DENND2C: variants seen among roughly 807,000 people sequenced by gnomAD.
The protein encoded by DENND2C is DENN domain containing 2C.
DENND2C carries 72 observed loss-of-function variants against 112.4 expected under a neutral mutation model. The ratio of observed to expected loss-of-function variants is 0.64; its 90% CI spans 0.53 to 0.78. The LOEUF (loss-of-function observed/expected upper bound fraction) is 0.78, where lower values mean the gene tolerates loss of function less well. DENND2C is among the 30% of genes least tolerant of loss of function. The pLI is 0.00. For missense variants in DENND2C, 992 were observed against 1,113.8 expected, an observed-to-expected ratio of 0.89 and a Z score of 1.56; for synonymous variants, 329 against 381.6, an observed-to-expected ratio of 0.86 and a Z score of 1.61.
chr1:114,660,538 T>C (rs1027997069), intron 1 of DENND2C, among the ~76,000 whole-genome samples: 3 of 152,160 alleles, frequency 2.0e-5, no homozygotes, highest in African/African-American at 7.2e-5. Context: ...TGCCTGTCTC[T>C]AATTCCCTCC....
intron 12 of DENND2C, among the ~76,000 whole-genome samples, chr1:114,601,858 A>G (rs1383091319): frequency 6.6e-6 from 1 of 152,178 alleles, no homozygotes; most frequent in African/African-American, 2.4e-5. Context: ...CTCTATTTCA[A>G]ATATATCCAG....
At chr1:114,628,250 T>C (rs1192359978) in intron 3 of DENND2C, among the ~76,000 whole-genome samples, 2 of 151,414 alleles carry the variant, frequency 1.3e-5, no homozygotes, top group African/African-American at 4.9e-5. Context: ...AGCCCAGATG[T>C]TGGAAGCTGC....
chr1:114,619,941 C>T (rs1416751380), intron 7 of DENND2C, among the ~76,000 whole-genome samples: 9 of 152,016 alleles, frequency 5.9e-5, no homozygotes, highest in South Asian at 2.1e-4. Flanking sequence ...TAAGAAATGA[C>T]GGAAATCATA....
Position 114,621,968 on chromosome 1 carries a change from G to C in DENND2C, c.1154C>G (p.Pro385Arg). 1.3e-6 allele frequency: 2 copies of C among 1,550,760 alleles called. No homozygotes were observed. The highest frequency in any genetic ancestry group is 1.7e-6 in the Non-Finnish European group (2 of 1,147,018). Residue 385 changes from proline (P) to arginine (R), a missense_variant, in exon 7 of 21, where the codon CCG becomes CGG. Coordinates refer to ENST00000393274, the MANE Select transcript of DENND2C (RefSeq NM_001256404.2). ...RSKLTKDTTL[P>R]VTLTEWKLFR... ...AAGCTTCCATTCCGTTAAAGTGACCGGCAAAGTTGTATCTTTTGTAAGCTT... is the reference window on the plus strand; with the variant it reads ...AAGCTTCCATTCCGTTAAAGTGACCCGCAAAGTTGTATCTTTTGTAAGCTT...
intron 18 of DENND2C, among the ~76,000 whole-genome samples, chr1:114,593,556 G>A (rs903990075): frequency 4.6e-5 from 7 of 152,106 alleles, no homozygotes; most frequent in Non-Finnish European, 7.3e-5. Flanking sequence ...AGGCTAAGGC[G>A]GAAGGATTGC....
intron 3 of DENND2C, among the ~76,000 whole-genome samples, chr1:114,627,400 A>C (rs1656373864): frequency 6.6e-6 from 1 of 152,156 alleles, no homozygotes; most frequent in Non-Finnish European, 1.5e-5. Context: ...AAAATATCTT[A>C]GCCCAGCTCT....
In DENND2C at chr1:114,625,584, G is replaced by A. The variant is rs779517741; in HGVS notation, c.401C>T (p.Pro134Leu). The A allele has an allele frequency of 6.2e-7, 1 of 1,614,062 alleles. No homozygotes were observed. Among genetic ancestry groups the A allele is most frequent in the Non-Finnish European group, 8.5e-7 (1 of 1,179,992 alleles). ...GTTTCCTGGAGGTAATGAAGTCTCTGGATCTAAGACATCTTCTTTACAGCT... is the reference window on the plus strand; with the variant it reads ...GTTTCCTGGAGGTAATGAAGTCTCTAGATCTAAGACATCTTCTTTACAGCT... Reference protein sequence around the residue: ...IESCKEDVLDPETSLPPGNFY... With the variant: ...IESCKEDVLDLETSLPPGNFY... The change falls in exon 4 of 21, where the codon CCA becomes CTA. Residue 134 changes from proline to leucine, a missense_variant. Pro to Leu is a moderately conservative substitution (Grantham distance 98). Coordinates refer to ENST00000393274, the MANE Select transcript of DENND2C (RefSeq NM_001256404.2).
intron 5 of DENND2C, 103 bp from the exon 6 acceptor site, chr1:114,623,202 A>G: frequency 9.2e-7 from 1 of 1,089,686 alleles, no homozygotes; most frequent in Non-Finnish European, 1.3e-6. Context: ...CAGCTTTCTT[A>G]TTCTACATTG....
chr1:114,653,976 T>C (rs1657238023), intron 2 of DENND2C, among the ~76,000 whole-genome samples: 1 of 152,138 alleles, frequency 6.6e-6, no homozygotes, highest in African/African-American at 2.4e-5. Context: ...ATTAAGTAAA[T>C]GAATGTTATA....
chr1:114,657,402 G>A (rs909294161), intron 1 of DENND2C, among the ~76,000 whole-genome samples: 58 of 152,236 alleles, frequency 3.8e-4, no homozygotes, highest in African/African-American at 1.4e-3. Context: ...TGGTAATCAA[G>A]CGTAAGTCAG....
At chr1:114,656,814 C>A (rs1236345590) in intron 1 of DENND2C, among the ~76,000 whole-genome samples, 3 of 152,084 alleles carry the variant, frequency 2.0e-5, no homozygotes, top group Non-Finnish European at 4.4e-5. Context: ...CGCAGTGGTG[C>A]AGTCTTGGCT....
intron 18 of DENND2C, among the ~76,000 whole-genome samples, chr1:114,590,925 T>C (rs1370545261): frequency 6.6e-6 from 1 of 152,104 alleles, no homozygotes; most frequent in Non-Finnish European, 1.5e-5. Flanking sequence ...TTCAAAGTGG[T>C]TGAACTACTT....
chr1:114,627,977 T>C (rs910652778), intron 3 of DENND2C, among the ~76,000 whole-genome samples: 1 of 151,764 alleles, frequency 6.6e-6, no homozygotes, highest in Non-Finnish European at 1.5e-5. Flanking sequence ...AAAATGAAAA[T>C]TGTCAGGGCT....
At position 114,622,018 on chromosome 1, in the gene DENND2C, C is replaced by A; in HGVS notation, c.1104G>T (p.Lys368Asn). 1 of 1,550,312 alleles carries A rather than the reference C, an allele frequency of 6.5e-7. No homozygotes were observed. The highest frequency in any genetic ancestry group is 8.7e-7 in the Non-Finnish European group (1 of 1,146,898). The change falls in exon 7 of 21, where the codon AAG becomes AAT. Residue 368 changes from lysine to asparagine, a missense_variant. Physicochemically the swap from Lys to Asn is moderately conservative, Grantham distance 94. Transcript: ENST00000393274. ...TTGACCGCAAATAAGCCTGTGAGTT[C>A]TTTACTTCCATAGTCTTCCGGTGAA... is the stretch of plus-strand genomic sequence containing the variant. The part of the protein sequence containing the change: ...QFLHRKTMEV[K>N]NSQAYLRSKL...
chr1:114,588,888 C>G (rs532575582), intron 18 of DENND2C, among the ~76,000 whole-genome samples: 1 of 152,240 alleles, frequency 6.6e-6, no homozygotes, highest in African/African-American at 2.4e-5. Context: ...AGCCACCATG[C>G]CTGGCTGACA....
intron 1 of DENND2C, among the ~76,000 whole-genome samples, chr1:114,668,599 G>A (rs1475928441): frequency 1.3e-5 from 2 of 150,386 alleles, no homozygotes; most frequent in South Asian, 2.1e-4. Flanking sequence ...ACATTTCCTG[G>A]TTTCTGCCTG....
At chr1:114,602,095 C>T in intron 12 of DENND2C, 30 bp downstream of exon 12, 1 of 1,611,870 alleles carries the variant, frequency 6.2e-7, no homozygotes, top group South Asian at 1.1e-5. Flanking sequence ...CCTTGACCAA[C>T]CCTGTCTGTA....
intron 1 of DENND2C, among the ~76,000 whole-genome samples, chr1:114,656,805 G>A (rs1011150328): frequency 7.9e-5 from 12 of 152,036 alleles, no homozygotes; most frequent in Non-Finnish European, 1.6e-4. Flanking sequence ...GGGCTGGAAC[G>A]CAGTGGTGCA....
chr1:114,623,166 A>C, intron 5 of DENND2C, 67 bp from the exon 6 acceptor site: 1 of 1,397,030 alleles, frequency 7.2e-7, no homozygotes, highest in Non-Finnish European at 9.8e-7. Context: ...CACAGCTGGC[A>C]AAAGAAAGAA....
Sources: allele counts gnomAD v4.1 joint callset (sites outside exome capture counted in the v4.1 genomes callset), GRCh38; gene constraint gnomAD v4.1.1; transcripts MANE v1.5; gene names NCBI Gene and HGNC (gene_info 2026-07-23, HGNC 2026-07-21).